PREX2: variants seen among roughly 807,000 people sequenced by gnomAD.
PREX2 encodes the protein phosphatidylinositol-3,4,5-trisphosphate dependent Rac exchange factor 2, also known as phosphatidylinositol 3,4,5-trisphosphate-dependent Rac exchanger 2 protein.
Under a neutral mutation model 203.2 loss-of-function variants are expected in PREX2, and 107 were observed. That is an observed-to-expected ratio of 0.53 (90% CI 0.45 to 0.62). The LOEUF is 0.62. Among genes scored for constraint, PREX2 ranks in the 20% least tolerant of loss-of-function variants. The pLI is 0.00. For missense variants in PREX2, 1,777 were observed against 1,955.9 expected, an observed-to-expected ratio of 0.91 and a Z score of 1.72; for synonymous variants, 672 against 663.6, an observed-to-expected ratio of 1.01 and a Z score of -0.19.
intron 1 of PREX2, among the ~76,000 whole-genome samples, chr8:67,964,747 G>GT (rs1318972839): frequency 2.6e-5 from 4 of 152,100 alleles, no homozygotes; most frequent in Non-Finnish European, 5.9e-5. Flanking sequence ...TGGAAATTCT[G>GT]TTTTTGTTAT....
intron 24 of PREX2, among the ~76,000 whole-genome samples, chr8:68,108,725 T>G (rs530597952): frequency 8.5e-5 from 13 of 152,292 alleles, no homozygotes; most frequent in South Asian, 2.1e-4. Context: ...ATCCTCTAGT[T>G]TTTAATTACA....
intron 35 of PREX2, among the ~76,000 whole-genome samples, chr8:68,181,287 C>T (rs1421587267): frequency 2.0e-5 from 3 of 152,100 alleles, no homozygotes; most frequent in East Asian, 3.9e-4. Context: ...ATTTCTCTTA[C>T]GGTATTCACA....
intron 37 of PREX2, among the ~76,000 whole-genome samples, chr8:68,210,548 G>A (rs1389469726): frequency 1.3e-5 from 2 of 152,146 alleles, no homozygotes; most frequent in African/African-American, 4.8e-5. Flanking sequence ...AATTGTTCTG[G>A]TTTCCCATGT....
chr8:68,105,477 A>C, intron 23 of PREX2: 1 of 1,148,460 alleles, frequency 8.7e-7, no homozygotes, highest in Non-Finnish European at 1.1e-6. Flanking sequence ...TACAAGTTGG[A>C]AAGCCAGTCC....
chr8:68,208,900 A>T (rs1353086341), intron 37 of PREX2, among the ~76,000 whole-genome samples: 1 of 151,810 alleles, frequency 6.6e-6, no homozygotes, highest in Admixed American at 6.6e-5. Flanking sequence ...ATCAGCCTGG[A>T]CAACATAGCG....
intron 29 of PREX2, 101 bp downstream of exon 29, chr8:68,120,387 G>T: frequency 1.4e-6 from 1 of 737,454 alleles, no homozygotes. Context: ...AACAATTCCA[G>T]TTACTCATGT....
chr8:68,031,914 C>T (rs1404495601), intron 6 of PREX2, among the ~76,000 whole-genome samples: 1 of 152,118 alleles, frequency 6.6e-6, no homozygotes, highest in Non-Finnish European at 1.5e-5. Context: ...TGTGCCAGGC[C>T]TTTTACTAAA....
intron 8 of PREX2, among the ~76,000 whole-genome samples, chr8:68,046,519 A>G (rs1476740933): frequency 1.3e-5 from 2 of 152,132 alleles, no homozygotes; most frequent in African/African-American, 4.8e-5. Context: ...ACAGGTCCCC[A>G]GTTCCTGAGG....
intron 9 of PREX2, among the ~76,000 whole-genome samples, chr8:68,054,393 A>AAG (rs56313644): frequency 0.57 from 85,698 of 149,734 alleles, 26,022 homozygotes; most frequent in African/African-American, 0.78. Flanking sequence ...AAAACCCCCA[A>AAG]ACGAGAAGAA....
chr8:68,030,679 A>G, intron 6 of PREX2, 21 bp downstream of exon 6: 1 of 1,612,222 alleles, frequency 6.2e-7, no homozygotes, highest in Non-Finnish European at 8.5e-7. Context: ...TTTGCTTGAC[A>G]ATCGAGCTTA....
chr8:68,078,323 G>A (rs545216833), intron 15 of PREX2, among the ~76,000 whole-genome samples: 6 of 152,052 alleles, frequency 3.9e-5, no homozygotes, highest in Non-Finnish European at 7.4e-5. Flanking sequence ...ATGCCACCAC[G>A]TCTAACTAAC....
At chr8:67,990,441 T>C (rs1256335060) in intron 1 of PREX2, among the ~76,000 whole-genome samples, 3 of 150,720 alleles carry the variant, frequency 2.0e-5, no homozygotes, top group South Asian at 2.1e-4. Flanking sequence ...CTGATTTACA[T>C]GGTCTTGGAT....
In PREX2 at chr8:68,178,367, A is replaced by G. The variant is rs548252655; in HGVS notation, c.4347-13355A>G. Among the ~76,000 whole-genome samples the G allele has an allele frequency of 4.6e-5, 7 of 152,190 alleles. 1 individual carries two copies. The highest frequency in any genetic ancestry group is 4.6e-4 in the Admixed American group (7 of 15,282). On this transcript the variant is annotated intron_variant, in intron 35 of 39. Transcript: ENST00000288368. Reference sequence around the variant, plus strand: ...TGTGGTTTTGATTTGCATTTATCTAATGATCAGTGATGTTGAGCTTTTTTT... The same window carrying G: ...TGTGGTTTTGATTTGCATTTATCTAGTGATCAGTGATGTTGAGCTTTTTTT...
At chr8:68,009,569 G>A (rs148264650) in intron 1 of PREX2, among the ~76,000 whole-genome samples, 148 of 152,168 alleles carry the variant, frequency 9.7e-4, no homozygotes, top group African/African-American at 3.3e-3. Context: ...TTAGAAATCC[G>A]TTTTATTTCG....
At position 68,087,727 on chromosome 8, in the gene PREX2, A is replaced by G. The variant is rs542301336; in HGVS notation, c.2031A>G (p.Thr677=). 620 of 1,611,264 alleles carry G rather than the reference A, an allele frequency of 3.8e-4. 6 individuals carry two copies. In the South Asian group the frequency reaches 4.3e-3, roughly 11 times the overall value. The change falls in exon 19 of 40, where the codon ACA becomes ACG. Residue 677 remains threonine (T), a synonymous_variant. Transcript: ENST00000288368. ...RVLVSTKPRE[T]VKIPDSADGL... is the part of the protein sequence containing the mutation. ...CCTTATTTTCTGATTGATTTAGGAC[A>G]GTGAAAATTCCAGATTCAGCTGATG...
chr8:67,972,620 A>T (rs893704992), intron 1 of PREX2, among the ~76,000 whole-genome samples: 4 of 152,122 alleles, frequency 2.6e-5, no homozygotes. Flanking sequence ...GGCATTGTTC[A>T]TCAGTGTTAC....
At chr8:68,114,289 A>C (rs144680303) in intron 25 of PREX2, 2 of 508,684 alleles carry the variant, frequency 3.9e-6, no homozygotes, top group Non-Finnish European at 7.9e-6. Flanking sequence ...ACATTATGGA[A>C]TATGCGTAAG....
At chr8:67,967,229 C>A (rs1452337267) in intron 1 of PREX2, among the ~76,000 whole-genome samples, 1 of 151,854 alleles carries the variant, frequency 6.6e-6, no homozygotes, top group Non-Finnish European at 1.5e-5. Context: ...GAGATTAAAC[C>A]CAGATGTACA....
chr8:68,107,614 T>G (rs1810443966), intron 23 of PREX2, among the ~76,000 whole-genome samples: 1 of 152,234 alleles, frequency 6.6e-6, no homozygotes, highest in Non-Finnish European at 1.5e-5. Context: ...CTCCACACCC[T>G]ACTGTCTGAC....
Sources: allele counts gnomAD v4.1 joint callset (sites outside exome capture counted in the v4.1 genomes callset), GRCh38; gene constraint gnomAD v4.1.1; transcripts MANE v1.5; gene names NCBI Gene and HGNC (gene_info 2026-07-23, HGNC 2026-07-21).